Variants in CRYBG3 observed in about 807,000 individuals in gnomAD.
CRYBG3 encodes the protein very large A-kinase anchor protein.
A neutral mutation model predicts 244.2 loss-of-function variants in CRYBG3; 127 were observed. That is an observed-to-expected ratio of 0.52 (90% confidence interval 0.45 to 0.60). The LOEUF (loss-of-function observed/expected upper bound fraction) is 0.60, where lower values mean the gene tolerates loss of function less well. Ranked by LOEUF, CRYBG3 falls within the 20% of genes least tolerant of loss-of-function variation. CRYBG3 has a pLI of 0.00. For missense variants in CRYBG3, 3,325 were observed against 3,442.5 expected, an observed-to-expected ratio of 0.97 and a Z score of 0.85; for synonymous variants, 1,132 against 1,195.8, an observed-to-expected ratio of 0.95 and a Z score of 1.10.
intron 17 of CRYBG3, among the ~76,000 whole-genome samples, chr3:97,918,501 A>T (rs2039951192): frequency 6.6e-6 from 1 of 152,178 alleles, no homozygotes; most frequent in Non-Finnish European, 1.5e-5. Context: ...TTTTCAAATC[A>T]TGGACAGCCT....
At chr3:97,899,408 A>G (rs904859037) in intron 14 of CRYBG3, 145 bp downstream of exon 14, 2 of 768,488 alleles carry the variant, frequency 2.6e-6, no homozygotes, top group Non-Finnish European at 4.2e-6. Context: ...GAATTTCTAT[A>G]GACTCCATAG....
rs1226488372 is a variant in CRYBG3 at position 97,872,382 on chromosome 3, A to T, written c.1188A>T (p.Pro396=). Residue 396 remains proline (P), a synonymous_variant, in exon 4 of 22, where the codon CCA becomes CCT. Transcript: ENST00000389622. ...ACCATCGCAAAGTCCCTTGCAGCCC[A>T]GATTTTCAGAGAGTAACTACAACAG... ...GSNHRKVPCS[P]DFQRVTTTEN... is the part of the protein sequence containing the mutation. 2.4e-5 allele frequency: 37 copies of T among 1,535,954 alleles called. No homozygotes were observed. Among genetic ancestry groups the T allele is most frequent in the Non-Finnish European group, 3.1e-5 (35 of 1,146,804 alleles).
Position 97,876,978 on chromosome 3 carries a change from T to C in CRYBG3, c.5784T>C (p.Tyr1928=), listed in dbSNP as rs2039382668. 1 of 1,515,988 alleles carries C rather than the reference T, an allele frequency of 6.6e-7. No individual in the cohort carries two copies. The highest frequency in any genetic ancestry group is 8.8e-7 in the Non-Finnish European group (1 of 1,135,874). The allele number at this position is 1,515,988 out of a possible 1,614,324, so 93.9% of individuals were successfully genotyped here. A position where few individuals can be genotyped will look rare whatever the true frequency, so the allele number is the denominator to read the frequency against. The change falls in exon 4 of 22, where the codon TAT becomes TAC. Residue 1928 remains tyrosine (Y), a synonymous_variant. Transcript: ENST00000389622. ...CACATGAAAATAGACTTCCTACATA[T>C]TTCAGGGGATATGAATCCCCTACAT... ...LIAHENRLPT[Y]FRGYESPTLS...
chr3:97,822,096 C>G lies in CRYBG3; in HGVS notation c.-111C>G, dbSNP rs984260850. ...ACTGAGCCGCGCTGGCAGCTCGCGT[C>G]GAGTCGGTCTGCCCTAGCCGCATCC... On this transcript the variant is annotated 5_prime_UTR_variant, in exon 1 of 22. Coordinates refer to ENST00000389622, the MANE Select transcript of CRYBG3 (RefSeq NM_153605.4). 3.2e-5 allele frequency: 29 copies of G among 899,462 alleles called. No homozygotes were observed. The highest frequency in any genetic ancestry group is 7.5e-6 in the Non-Finnish European group (5 of 669,596). The allele number at this position is 899,462 out of a possible 1,614,324, so 55.7% of individuals were successfully genotyped here.
intron 2 of CRYBG3, among the ~76,000 whole-genome samples, chr3:97,854,318 G>A (rs1350716299): frequency 6.6e-6 from 1 of 152,016 alleles, no homozygotes; most frequent in African/African-American, 2.4e-5. Flanking sequence ...CTTTGGCTAT[G>A]CTTTGGCTAT....
intron 1 of CRYBG3, among the ~76,000 whole-genome samples, chr3:97,841,410 T>G (rs1375299844): frequency 6.6e-6 from 1 of 151,966 alleles, no homozygotes; most frequent in Non-Finnish European, 1.5e-5. Context: ...CGGTATCCGT[T>G]TGGTCCATGT....
chr3:97,837,760 C>T (rs890898442), intron 1 of CRYBG3, among the ~76,000 whole-genome samples: 5 of 152,062 alleles, frequency 3.3e-5, no homozygotes, highest in South Asian at 2.1e-4. Flanking sequence ...CACCAAAGAT[C>T]GCTTCCTCTC....
At position 97,895,970 on chromosome 3, in the gene CRYBG3, A is replaced by G. The variant is rs1305602746; in HGVS notation, c.7586A>G (p.Tyr2529Cys). ...IRVIGGVWVA[Y>C]EKEHFKGQQF... is the part of the protein sequence containing the mutation. ...CCCTGTATTTCTAGGTGGGTTGCCT[A>G]TGAAAAAGAACATTTTAAAGGCCAG... is the stretch of plus-strand genomic sequence containing the variant. The change falls in exon 12 of 22, where the codon TAT becomes TGT. Residue 2529 changes from tyrosine to cysteine, a missense_variant. Physicochemically the swap from Tyr to Cys is radical, Grantham distance 194. This residue lies in a region of CRYBG3 where 714 missense variants were observed against 803.6 expected (regional missense o/e 0.89). Transcript: ENST00000389622. 1.2e-6 allele frequency: 2 copies of G among 1,613,154 alleles called. No homozygotes were observed. Among genetic ancestry groups the G allele is most frequent in the South Asian group, 1.1e-5 (1 of 91,004 alleles).
At chr3:97,869,769 A>G (rs2039279370) in intron 3 of CRYBG3, among the ~76,000 whole-genome samples, 1 of 152,164 alleles carries the variant, frequency 6.6e-6, no homozygotes, top group Non-Finnish European at 1.5e-5. Context: ...AAAATAAATG[A>G]ATATAACTAA....
chr3:97,915,798 C>A, intron 17 of CRYBG3, 62 bp downstream of exon 17: 4 of 1,252,342 alleles, frequency 3.2e-6, no homozygotes, highest in Non-Finnish European at 4.5e-6. Context: ...TAATTACCAC[C>A]AATGATAATG....
Position 97,877,755 on chromosome 3 carries a change from G to C in CRYBG3, c.6561G>C (p.Gln2187His), listed in dbSNP as rs1441755710. Residue 2187 changes from glutamine (Q) to histidine (H), a missense_variant, in exon 4 of 22, where the codon CAG (glutamine) becomes CAC (histidine). Physicochemically the swap from Gln to His is conservative, Grantham distance 24 (BLOSUM62 0). Transcript: ENST00000389622. ...DPSITFYPDDQESVGISKNSY... is the reference protein window; with the variant it reads ...DPSITFYPDDHESVGISKNSY... The stretch of plus-strand genomic sequence containing the variant: ...CCATCACATTTTACCCTGATGACCA[G>C]GAGAGCGTTGGAATTTCTAAGAATT... The C allele has an allele frequency of 6.2e-7, 1 of 1,613,982 alleles. No homozygotes were observed. The highest frequency in any genetic ancestry group is 8.5e-7 in the Non-Finnish European group (1 of 1,180,020).
Position 97,887,187 on chromosome 3 carries a change from T to C in CRYBG3, c.7289+420T>C, listed in dbSNP as rs79494243. Among the ~76,000 whole-genome samples the C allele has an allele frequency of 2.5e-3, 383 of 152,274 alleles. 3 individuals carry two copies. The East Asian group carries it at 0.025, about 10-fold the overall frequency. On this transcript the variant is annotated intron_variant, in intron 8 of 21. Transcript: ENST00000389622. The stretch of plus-strand genomic sequence containing the variant: ...GGCAGATGGTGTTACTCTCATATTA[T>C]ATATGAGTGATTTGTCCCAGGCTAC...
At chr3:97,823,747 C>T (rs1210148050) in intron 1 of CRYBG3, among the ~76,000 whole-genome samples, 2 of 152,204 alleles carry the variant, frequency 1.3e-5, no homozygotes, top group African/African-American at 4.8e-5. Context: ...GCAAGGAAAT[C>T]CCAAGTAGGC....
chr3:97,849,357 G>A (rs1476475191), intron 2 of CRYBG3, among the ~76,000 whole-genome samples: 1 of 152,040 alleles, frequency 6.6e-6, no homozygotes, highest in African/African-American at 2.4e-5. Context: ...TCTGCATAAC[G>A]TTTGAGAAGA....
At chr3:97,857,444 A>G (rs1267991916) in intron 2 of CRYBG3, among the ~76,000 whole-genome samples, 1 of 144,842 alleles carries the variant, frequency 6.9e-6, no homozygotes. Context: ...TGGTCTAGAT[A>G]TGTCCAAAGT....
chr3:97,837,478 A>T (rs933992364), intron 1 of CRYBG3, among the ~76,000 whole-genome samples: 7 of 152,144 alleles, frequency 4.6e-5, no homozygotes, highest in Non-Finnish European at 8.8e-5. Context: ...TGTTCTCAAC[A>T]GTATTGCTGA....
chr3:97,873,020 C>G lies in CRYBG3; in HGVS notation c.1826C>G (p.Pro609Arg). 3 of 1,535,718 alleles carry G rather than the reference C, an allele frequency of 2.0e-6. No individual in the cohort carries two copies. Among genetic ancestry groups the G allele is most frequent in the Non-Finnish European group, 2.6e-6 (3 of 1,146,714 alleles). ...VVASLGNENA[P>R]ELKFELNRSH... is the part of the protein sequence containing the mutation. ...GCAAGCTTAGGAAATGAAAATGCAC[C>G]TGAGTTGAAATTTGAACTTAATAGA... Residue 609 changes from proline to arginine, a missense_variant, in exon 4 of 22, where the codon CCT becomes CGT. By Grantham distance (103) the Pro-to-Arg change is moderately radical (BLOSUM62 -2). Around this residue, in one of 4 missense-constraint regions of CRYBG3, gnomAD observed 1,526 missense variants for 1,443.2 expected, o/e 1.06. Transcript: ENST00000389622.
intron 15 of CRYBG3, among the ~76,000 whole-genome samples, chr3:97,905,332 A>C (rs2108244234): frequency 6.6e-6 from 1 of 151,932 alleles, no homozygotes; most frequent in African/African-American, 2.4e-5. Flanking sequence ...GACTTCCACA[A>C]TGGTTGAACT....
rs995198426 is a variant in CRYBG3, at chr3:97,864,530, C to G, written c.530C>G (p.Ser177Cys). 4 of 1,535,740 alleles carry G rather than the reference C, an allele frequency of 2.6e-6. No individual in the cohort carries two copies. Among genetic ancestry groups the G allele is most frequent in the African/African-American group, 1.4e-5 (1 of 72,998 alleles). The change falls in exon 3 of 22, where the codon TCC (serine) becomes TGC (cysteine). Residue 177 changes from serine (S) to cysteine (C), a missense_variant. This residue lies in a region of CRYBG3 where 1,526 missense variants were observed against 1,443.2 expected (regional missense o/e 1.06). Coordinates refer to ENST00000389622, the MANE Select transcript of CRYBG3 (RefSeq NM_153605.4). ...IKREREIFSG[S>C]LRTQTHPTEE... ...AGGGAGAGAGAGATTTTCAGTGGCT[C>G]CCTAAGAACCCAGACACATCCAACA...
Sources: allele counts gnomAD v4.1 joint callset (sites outside exome capture counted in the v4.1 genomes callset), GRCh38; gene constraint gnomAD v4.1.1; regional missense constraint gnomAD v4.1.1; transcripts MANE v1.5; gene names NCBI Gene and HGNC (gene_info 2026-07-23, HGNC 2026-07-21).